The following MAGI2 variants were observed in gnomAD, a reference collection of about 807,000 sequenced individuals.
MAGI2 encodes the protein membrane-associated guanylate kinase, WW and PDZ domain-containing protein 2.
MAGI2 carries 35 observed loss-of-function variants against 133.3 expected under a neutral mutation model. The observed-to-expected ratio is 0.26, with a 90% CI of 0.20 to 0.35. The LOEUF (loss-of-function observed/expected upper bound fraction) is 0.35. MAGI2 is among the 10% of genes least tolerant of loss of function. MAGI2 has a pLI of 1.00. For synonymous variants in MAGI2, 729 were observed against 710.6 expected (o/e 1.03, Z -0.41); for missense variants, 1,636 against 1,863.4 (o/e 0.88, Z 2.25).
chr7:79,053,529 A>T (rs1239767156), intron 1 of MAGI2, among the ~76,000 whole-genome samples: 1 of 152,190 alleles, frequency 6.6e-6, no homozygotes, highest in Non-Finnish European at 1.5e-5. Flanking sequence ...GTGAAAAAAA[A>T]ACTTTATAAT....
At chr7:78,520,542 G>A (rs1204543672) in intron 4 of MAGI2, among the ~76,000 whole-genome samples, 1 of 151,928 alleles carries the variant, frequency 6.6e-6, no homozygotes. Context: ...ACGGACCTTA[G>A]ATTTTTTTAA....
chr7:78,542,315 G>C (rs545430971), intron 3 of MAGI2, among the ~76,000 whole-genome samples: 2 of 152,170 alleles, frequency 1.3e-5, no homozygotes, highest in South Asian at 4.1e-4. Context: ...TTTTTCATTA[G>C]AAATTACACA....
chr7:78,688,729 C>T (rs181576847), intron 2 of MAGI2, among the ~76,000 whole-genome samples: 111 of 152,212 alleles, frequency 7.3e-4, no homozygotes, highest in African/African-American at 2.6e-3. Flanking sequence ...CGTCCTATCC[C>T]CAACATGGCT....
At chr7:78,403,802 T>A (rs1797124848) in intron 6 of MAGI2, among the ~76,000 whole-genome samples, 1 of 152,152 alleles carries the variant, frequency 6.6e-6, no homozygotes, top group African/African-American at 2.4e-5. Flanking sequence ...TGTCTTCTTT[T>A]GAGAAGTGTC....
intron 9 of MAGI2, among the ~76,000 whole-genome samples, chr7:78,319,062 CA>C (rs1787720232): frequency 6.6e-6 from 1 of 152,158 alleles, no homozygotes; most frequent in Admixed American, 6.5e-5. Context: ...CATCAACTAA[CA>C]GGCAAAATAA....
chr7:78,656,476 A>G (rs1340602804), intron 2 of MAGI2, among the ~76,000 whole-genome samples: 1 of 152,190 alleles, frequency 6.6e-6, no homozygotes, highest in East Asian at 1.9e-4. Flanking sequence ...AGTCTTAAAA[A>G]GTCTAATACA....
At chr7:79,198,841 T>G (rs1399638782) in intron 1 of MAGI2, among the ~76,000 whole-genome samples, 1 of 151,926 alleles carries the variant, frequency 6.6e-6, no homozygotes, top group Non-Finnish European at 1.5e-5. Context: ...TGAACAGAGA[T>G]CGTGCCACTG....
At chr7:78,317,348 A>C (rs2151111064) in intron 9 of MAGI2, among the ~76,000 whole-genome samples, 1 of 152,340 alleles carries the variant, frequency 6.6e-6, no homozygotes, top group Non-Finnish European at 1.5e-5. Flanking sequence ...ATGATTAAAT[A>C]CCAACAGTGT....
At chr7:78,581,086 C>G (rs770668858) in intron 3 of MAGI2, among the ~76,000 whole-genome samples, 40 of 152,238 alleles carry the variant, frequency 2.6e-4, no homozygotes, top group Non-Finnish European at 2.6e-4. Flanking sequence ...CAAGGAAACA[C>G]AGAGAGATGT....
intron 20 of MAGI2, among the ~76,000 whole-genome samples, chr7:78,090,552 C>T (rs1467703579): frequency 2.6e-5 from 4 of 152,148 alleles, no homozygotes; most frequent in Non-Finnish European, 5.9e-5. Context: ...ACTGAGGTGC[C>T]TGGCACAAGA....
At chr7:78,625,543 T>C (rs538881482) in intron 3 of MAGI2, among the ~76,000 whole-genome samples, 1 of 152,128 alleles carries the variant, frequency 6.6e-6, no homozygotes, top group Non-Finnish European at 1.5e-5. Flanking sequence ...AAAATAGTTT[T>C]AAGTACATTT....
intron 9 of MAGI2, among the ~76,000 whole-genome samples, chr7:78,328,530 C>CA (rs10525463): frequency 5.4e-4 from 67 of 124,792 alleles, no homozygotes; most frequent in African/African-American, 2.0e-3. Context: ...CACACACACA[C>CA]CCCTCTCTCT....
chr7:79,242,855 C>A (rs1172089003), intron 1 of MAGI2, among the ~76,000 whole-genome samples: 1 of 152,076 alleles, frequency 6.6e-6, no homozygotes. Context: ...AAGATATTTG[C>A]TATTCTGTAC....
At chr7:78,699,886 T>A (rs1403129581) in intron 2 of MAGI2, among the ~76,000 whole-genome samples, 1 of 152,066 alleles carries the variant, frequency 6.6e-6, no homozygotes, top group African/African-American at 2.4e-5. Context: ...CAAAATAAAA[T>A]TCAGAAAATT....
chr7:78,210,107 A>G (rs180849884), intron 10 of MAGI2, among the ~76,000 whole-genome samples: 2 of 152,164 alleles, frequency 1.3e-5, no homozygotes, highest in East Asian at 3.9e-4. Context: ...AATTATATTT[A>G]TTAGATCATA....
chr7:78,574,998 C>T (rs1006954339), intron 3 of MAGI2, among the ~76,000 whole-genome samples: 3 of 152,134 alleles, frequency 2.0e-5, no homozygotes, highest in African/African-American at 4.8e-5. Flanking sequence ...CCATCTCATC[C>T]TCATCCTGTA....
rs57686246 is a variant in MAGI2 at position 78,639,346 on chromosome 7, A to AT, written c.419-12108dup. Among the ~76,000 whole-genome samples, 1,510 of 151,978 alleles carry AT rather than the reference A, an allele frequency of 9.9e-3. 23 individuals are homozygous for AT. Among genetic ancestry groups the AT allele is most frequent in the African/African-American group, 0.034 (1,396 of 41,432 alleles). ...AAATCACATGTCTGAGTGATCAACT[A>AT]TTTTTTTTATTGAGGCTCTCAAGTA... On this transcript the variant is annotated intron_variant, in intron 2 of 21. Coordinates refer to ENST00000354212, the MANE Select transcript of MAGI2 (RefSeq NM_012301.4).
intron 1 of MAGI2, among the ~76,000 whole-genome samples, chr7:79,060,044 G>A (rs1053247921): frequency 3.3e-5 from 5 of 152,080 alleles, no homozygotes; most frequent in Non-Finnish European, 7.4e-5. Context: ...GAAGATGGTA[G>A]TATCAGAGAA....
At chr7:78,527,209 GTCCTT>G (rs1797054161) in intron 3 of MAGI2, among the ~76,000 whole-genome samples, 1 of 152,118 alleles carries the variant, frequency 6.6e-6, no homozygotes, top group African/African-American at 2.4e-5. Context: ...GCCAGGCAAA[GTCCTT>G]GCAAAACCTA....
Sources: allele counts gnomAD v4.1 joint callset (sites outside exome capture counted in the v4.1 genomes callset), GRCh38; gene constraint gnomAD v4.1.1; transcripts MANE v1.5; gene names NCBI Gene and HGNC (gene_info 2026-07-23, HGNC 2026-07-21).